HSPA4: variants seen among roughly 807,000 people sequenced by gnomAD.
HSPA4 encodes heat shock protein family A (Hsp70) member 4, also known as heat shock 70 kDa protein 4.
Under a neutral mutation model 106.2 loss-of-function variants are expected in HSPA4, and 25 were observed. The ratio of observed to expected loss-of-function variants is 0.24; its 90% CI spans 0.17 to 0.33. The LOEUF (loss-of-function observed/expected upper bound fraction) is 0.33. Among genes scored for constraint, HSPA4 ranks in the 10% least tolerant of loss-of-function variants. The pLI is 1.00. For synonymous variants in HSPA4, 332 were observed against 333.6 expected (o/e 1.00, Z 0.05); for missense variants, 841 against 996.0 (o/e 0.84, Z 2.10).
chr5:133,053,462 C>T (rs553961281), intron 1 of HSPA4, among the ~76,000 whole-genome samples: 12 of 151,796 alleles, frequency 7.9e-5, no homozygotes, highest in Non-Finnish European at 1.6e-4. Context: ...GATTCTCCCA[C>T]CTCAGCCTCC....
intron 8 of HSPA4, 80 bp downstream of exon 8, chr5:133,086,938 C>G: frequency 8.8e-7 from 1 of 1,142,198 alleles, no homozygotes; most frequent in Non-Finnish European, 1.3e-6. Flanking sequence ...CTTTTGCAAG[C>G]AGTGATAGAA....
In HSPA4 at chr5:133,089,185, C is replaced by G. The variant is rs1175848949; in HGVS notation, c.1244+24C>G. On this transcript the variant is annotated intron_variant, in intron 10 of 18. Transcript: ENST00000304858. The stretch of plus-strand genomic sequence containing the variant: ...AGGTATCATGTTTATTAATCATTTA[C>G]ATATCTAAAGTTAATTGACTATTAG... 5 of 1,297,926 alleles carry G rather than the reference C, an allele frequency of 3.9e-6. No homozygotes were observed. In the African/African-American group the frequency reaches 7.4e-5, roughly 19 times the overall value. The allele number at this position is 1,297,926 out of a possible 1,614,324, so 80.4% of individuals were successfully genotyped here. A position where few individuals can be genotyped will look rare whatever the true frequency, so the allele number is the denominator to read the frequency against.
chr5:133,091,380 C>G lies in HSPA4; in HGVS notation c.1560+6C>G. 1.2e-6 allele frequency: 2 copies of G among 1,608,180 alleles called. No homozygotes were observed. The highest frequency in any genetic ancestry group is 1.7e-6 in the Non-Finnish European group (2 of 1,176,088). On this transcript the variant is annotated splice_donor_region_variant and intron_variant, in intron 12 of 18. Coordinates refer to ENST00000304858, the MANE Select transcript of HSPA4 (RefSeq NM_002154.4). ...AGAATGCAAAGGAGGAAGAGGTAAT[C>G]TAGACATTGTATACCACTTGTGATG...
chr5:133,104,655 T>TAAA lies in HSPA4; in HGVS notation c.*220_*221insAAA, dbSNP rs1314644944. The TAAA allele has an allele frequency of 1.9e-6, 1 of 522,228 alleles. No individual in the cohort carries two copies. Among genetic ancestry groups the TAAA allele is most frequent in the African/African-American group, 1.9e-5 (1 of 52,262 alleles). 32.3% of individuals were successfully genotyped at this position (522,228 alleles called of 1,614,324 possible). On this transcript the variant is annotated 3_prime_UTR_variant, in exon 19 of 19. Coordinates refer to ENST00000304858, the MANE Select transcript of HSPA4 (RefSeq NM_002154.4). ...GTATCTTTTTCATAATGGTACTATT[T>TAAA]AGAAGCCCAGTTAGTCTTACTGAGC...
Position 133,074,439 on chromosome 5 carries a change from C to T in HSPA4, c.663+313C>T, listed in dbSNP as rs372984845. 4.4e-3 allele frequency among the ~76,000 whole-genome samples: 673 copies of T among 152,166 alleles called. 5 individuals carry two copies. Among genetic ancestry groups the T allele is most frequent in the South Asian group, 0.011 (51 of 4,824 alleles). ...GATTACGGGCATGTGCCACCACGCC[C>T]GGCTAATTTTGTATTTTTAGTAGAG... On this transcript the variant is annotated intron_variant, in intron 6 of 18. Coordinates refer to ENST00000304858, the MANE Select transcript of HSPA4 (RefSeq NM_002154.4).
At chr5:133,100,208 C>T (rs1765766987) in intron 16 of HSPA4, among the ~76,000 whole-genome samples, 1 of 151,444 alleles carries the variant, frequency 6.6e-6, no homozygotes, top group African/African-American at 2.4e-5. Context: ...GGATTACAGG[C>T]GCGTGCCACC....
chr5:133,057,328 T>A (rs553681211), intron 1 of HSPA4, among the ~76,000 whole-genome samples: 42 of 152,260 alleles, frequency 2.8e-4, no homozygotes, highest in South Asian at 1.0e-3. Flanking sequence ...GAGCAATGGC[T>A]GTTGTAATAT....
intron 13 of HSPA4, among the ~76,000 whole-genome samples, chr5:133,094,248 A>G (rs1240911486): frequency 6.6e-6 from 1 of 152,164 alleles, no homozygotes; most frequent in African/African-American, 2.4e-5. Flanking sequence ...TTATCATTGA[A>G]AATATCTTTT....
At chr5:133,092,594 T>G in intron 12 of HSPA4, 106 bp from the exon 13 acceptor site, 1 of 775,486 alleles carries the variant, frequency 1.3e-6, no homozygotes, top group Non-Finnish European at 2.2e-6. Flanking sequence ...GGCCTTCTGA[T>G]TGCTGGTAAT....
intron 6 of HSPA4, 69 bp downstream of exon 6, chr5:133,074,195 A>AT (rs1301989596): frequency 9.7e-7 from 1 of 1,026,820 alleles, no homozygotes; most frequent in Non-Finnish European, 1.4e-6. Flanking sequence ...AGAGACAATG[A>AT]TTTTTTCTCA....
Position 133,076,733 on chromosome 5 carries a change from T to A in HSPA4, c.743T>A (p.Phe248Tyr), listed in dbSNP as rs1375794148. The change falls in exon 7 of 19, where the codon TTT becomes TAT. Residue 248 changes from phenylalanine (F) to tyrosine (Y), a missense_variant. Coordinates refer to ENST00000304858, the MANE Select transcript of HSPA4 (RefSeq NM_002154.4). ...EVLVNHFCEEFGKKYKLDIKS... is the reference protein window; with the variant it reads ...EVLVNHFCEEYGKKYKLDIKS... ...TTAGTAAATCACTTCTGTGAAGAAT[T>A]TGGGAAGAAATACAAGCTAGACATT... The A allele has an allele frequency of 1.9e-6, 3 of 1,613,856 alleles. No individual in the cohort carries two copies. In the East Asian group the frequency reaches 6.7e-5, roughly 36 times the overall value.
At chr5:133,074,356 G>T (rs373530002) in intron 6 of HSPA4, among the ~76,000 whole-genome samples, 1 of 150,564 alleles carries the variant, frequency 6.6e-6, no homozygotes, top group East Asian at 1.9e-4. Context: ...TTGGCTCACC[G>T]CAACCTCCAC....
intron 11 of HSPA4, among the ~76,000 whole-genome samples, chr5:133,090,210 A>C (rs574284227): frequency 1.3e-5 from 2 of 152,000 alleles, no homozygotes; most frequent in African/African-American, 4.8e-5. Context: ...CAAGGCGGGC[A>C]GGTCAGGAGA....
intron 1 of HSPA4, 47 bp downstream of exon 1, chr5:133,052,404 T>C (rs1164894511): frequency 6.4e-6 from 8 of 1,245,686 alleles, no homozygotes; most frequent in Non-Finnish European, 8.8e-6. Flanking sequence ...TAGGAGATAA[T>C]GCTTGTTCCA....
At chr5:133,096,026 C>A in intron 13 of HSPA4, 72 bp from the exon 14 acceptor site, 1 of 1,356,808 alleles carries the variant, frequency 7.4e-7, no homozygotes, top group Non-Finnish European at 1.0e-6. Context: ...AAACAGTTTT[C>A]CAACATGACT....
At chr5:133,091,995 G>C (rs1331526414) in intron 12 of HSPA4, among the ~76,000 whole-genome samples, 2 of 152,218 alleles carry the variant, frequency 1.3e-5, no homozygotes, top group African/African-American at 4.8e-5. Flanking sequence ...GCTGCAGTGA[G>C]TCCTGTTTGC....
intron 7 of HSPA4, among the ~76,000 whole-genome samples, chr5:133,084,078 A>G (rs760844568): frequency 3.9e-5 from 6 of 152,212 alleles, no homozygotes; most frequent in Non-Finnish European, 8.8e-5. Flanking sequence ...TATGAAATAG[A>G]CCATTATGTT....
In HSPA4 at chr5:133,104,029, A is replaced by T. The variant is rs1233688928; in HGVS notation, c.2319+3A>T. 1 of 1,607,244 alleles carries T rather than the reference A, an allele frequency of 6.2e-7. No homozygotes were observed. Among genetic ancestry groups the T allele is most frequent in the Admixed American group, 1.7e-5 (1 of 58,614 alleles). ...AAGAGATTGAAGCTAAAATTAAGGTAATTTAAGACTTTTTTTTAATAGTCT... is the reference window on the plus strand; with the variant it reads ...AAGAGATTGAAGCTAAAATTAAGGTTATTTAAGACTTTTTTTTAATAGTCT... On this transcript the variant is annotated splice_donor_region_variant and intron_variant, in intron 18 of 18. Coordinates refer to ENST00000304858, the MANE Select transcript of HSPA4 (RefSeq NM_002154.4).
At chr5:133,061,830 C>T (rs564920450) in intron 1 of HSPA4, among the ~76,000 whole-genome samples, 10 of 152,174 alleles carry the variant, frequency 6.6e-5, no homozygotes, top group African/African-American at 1.9e-4. Context: ...GACAGAGTTT[C>T]GCCATGTTGG....
Sources: gnomAD v4.1 joint callset for allele counts (sites outside exome capture counted in the v4.1 genomes callset) on GRCh38, gnomAD v4.1.1 for gene constraint, MANE v1.5 for transcripts, NCBI Gene and HGNC (gene_info 2026-07-23, HGNC 2026-07-21) for gene names.